Variants in TNIK observed in about 807,000 individuals in gnomAD.
TNIK encodes the protein TRAF2 and NCK interacting kinase.
A neutral mutation model predicts 191.3 loss-of-function variants in TNIK; 49 were observed. The ratio of observed to expected loss-of-function variants is 0.26; its 90% CI spans 0.20 to 0.32. The LOEUF is 0.32. Among genes scored for constraint, TNIK ranks in the 10% least tolerant of loss-of-function variants. The pLI, the probability that TNIK is intolerant of heterozygous loss-of-function variation, is 1.00. For missense variants in TNIK, 1,155 were observed against 1,702.3 expected, an observed-to-expected ratio of 0.68 and a Z score of 5.66; for synonymous variants, 594 against 600.9, an observed-to-expected ratio of 0.99 and a Z score of 0.17.
intron 1 of TNIK, among the ~76,000 whole-genome samples, chr3:171,370,614 T>C (rs1298083361): frequency 6.6e-6 from 1 of 152,072 alleles, no homozygotes; most frequent in Non-Finnish European, 1.5e-5. Flanking sequence ...GCCAGTAACA[T>C]AAACAAGTAA....
At chr3:171,167,791 A>G (rs1320387687) in intron 9 of TNIK, among the ~76,000 whole-genome samples, 2 of 152,230 alleles carry the variant, frequency 1.3e-5, no homozygotes. Context: ...CCAAGGTTGG[A>G]TAGGTAACAG....
intron 1 of TNIK, among the ~76,000 whole-genome samples, chr3:171,400,920 G>A (rs6785069): frequency 0.46 from 69,194 of 151,994 alleles, 16,357 homozygotes; most frequent in Non-Finnish European, 0.49. Context: ...GAATAACAAA[G>A]TGGTGTGTAT....
intron 15 of TNIK, among the ~76,000 whole-genome samples, chr3:171,137,265 A>G (rs1203216576): frequency 6.6e-6 from 1 of 151,944 alleles, no homozygotes; most frequent in Non-Finnish European, 1.5e-5. Context: ...TATGTAAGAA[A>G]TCTGGTTCTA....
chr3:171,104,828 T>C (rs533662270), intron 21 of TNIK, among the ~76,000 whole-genome samples: 18 of 152,194 alleles, frequency 1.2e-4, no homozygotes, highest in Non-Finnish European at 2.4e-4. Flanking sequence ...CCCCTAGTTA[T>C]TGTTCACCTT....
intron 28 of TNIK, chr3:171,071,555 T>C: frequency 2.1e-6 from 1 of 483,574 alleles, no homozygotes; most frequent in South Asian, 2.9e-5. Flanking sequence ...TTGAAGACTT[T>C]TCATCATCCA....
intron 2 of TNIK, among the ~76,000 whole-genome samples, chr3:171,316,858 A>G (rs1303399884): frequency 6.6e-6 from 1 of 150,994 alleles, no homozygotes; most frequent in Non-Finnish European, 1.5e-5. Context: ...GATTTGCCTA[A>G]GGAACTAAGA....
At chr3:171,087,279 C>A in intron 24 of TNIK, 63 bp downstream of exon 24, 1 of 1,599,322 alleles carries the variant, frequency 6.3e-7, no homozygotes, top group Non-Finnish European at 8.5e-7. Context: ...TTGAAGAGAT[C>A]ATGGTTTTAG....
intron 9 of TNIK, among the ~76,000 whole-genome samples, chr3:171,173,958 G>A (rs1266952955): frequency 6.6e-6 from 1 of 152,244 alleles, no homozygotes; most frequent in East Asian, 1.9e-4. Flanking sequence ...CCGATCACAT[G>A]ATGTATGACA....
At chr3:171,205,661 G>A (rs1011631224) in intron 4 of TNIK, among the ~76,000 whole-genome samples, 26 of 152,004 alleles carry the variant, frequency 1.7e-4, no homozygotes, top group Admixed American at 6.6e-5. Flanking sequence ...TGGTCTATTC[G>A]CAAGCCAGCA....
At chr3:171,327,900 TAAAAAA>T (rs71634497) in intron 2 of TNIK, among the ~76,000 whole-genome samples, 2,193 of 79,502 alleles carry the variant, frequency 0.028, 33 homozygotes, top group African/African-American at 0.065. Flanking sequence ...ACCTGGCTCA[TAAAAAA>T]AAAAAAAAAA....
intron 21 of TNIK, among the ~76,000 whole-genome samples, chr3:171,105,121 A>C (rs1283644531): frequency 6.6e-6 from 1 of 150,778 alleles, no homozygotes; most frequent in Non-Finnish European, 1.5e-5. Flanking sequence ...ACAAGCGACA[A>C]TATTTCAAAA....
intron 18 of TNIK, among the ~76,000 whole-genome samples, chr3:171,119,568 G>A (rs1022440460): frequency 2.0e-5 from 3 of 152,128 alleles, no homozygotes; most frequent in East Asian, 1.9e-4. Flanking sequence ...ATGATAGACT[G>A]GATTAAGAAA....
chr3:171,105,797 A>G (rs1181283495), intron 21 of TNIK, among the ~76,000 whole-genome samples: 1 of 152,172 alleles, frequency 6.6e-6, no homozygotes, highest in Non-Finnish European at 1.5e-5. Context: ...ATTCCTCTTG[A>G]GTTCTGCACA....
In TNIK at chr3:171,063,688, T is replaced by G; in HGVS notation, c.*193A>C. 2.0e-6 allele frequency: 1 copy of G among 502,754 alleles called. No homozygotes were observed. The highest frequency in any genetic ancestry group is 3.5e-6 in the Non-Finnish European group (1 of 287,944). 31.1% of individuals were successfully genotyped at this position (502,754 alleles called of 1,614,324 possible). On this transcript the variant is annotated 3_prime_UTR_variant, in exon 33 of 33. Transcript: ENST00000436636. ...CTCCTGGAAATTCCTGCCACCTTTT[T>G]CTCTCCTTCTCAACCAGGCTGCAAC...
chr3:171,413,994 C>T (rs189533756), intron 1 of TNIK, among the ~76,000 whole-genome samples: 129 of 152,302 alleles, frequency 8.5e-4, no homozygotes, highest in African/African-American at 2.9e-3. Flanking sequence ...ATTTCTCACA[C>T]GTTTTTAATC....
At position 171,061,246 on chromosome 3, in the gene TNIK, T is replaced by G. The variant is rs1259567089; in HGVS notation, c.*2635A>C. 1 of 152,206 alleles carries G rather than the reference T, an allele frequency of 6.6e-6. No individual in the cohort carries two copies. Among genetic ancestry groups the G allele is most frequent in the Non-Finnish European group, 1.5e-5 (1 of 68,028 alleles). The allele number at this position is 152,206 out of a possible 1,614,324, so 9.4% of individuals were successfully genotyped here. On this transcript the variant is annotated 3_prime_UTR_variant, in exon 33 of 33. Transcript: ENST00000436636. The stretch of plus-strand genomic sequence containing the variant: ...AGTGAATTCTTTAAATATCTGTCTT[T>G]TAAAGAGCACAGATTTCTGGGGGGC...
chr3:171,176,528 G>A (rs1735976782), intron 8 of TNIK, among the ~76,000 whole-genome samples: 1 of 152,222 alleles, frequency 6.6e-6, no homozygotes, highest in South Asian at 2.1e-4. Context: ...CTGAGTGAAG[G>A]AGAGAGGGAG....
intron 2 of TNIK, among the ~76,000 whole-genome samples, chr3:171,251,467 G>A (rs1746217924): frequency 6.6e-6 from 1 of 152,152 alleles, no homozygotes; most frequent in Non-Finnish European, 1.5e-5. Context: ...CAACCTTCCT[G>A]CCACAGTCTT....
chr3:171,249,781 T>C (rs959993962), intron 2 of TNIK, among the ~76,000 whole-genome samples: 2 of 152,078 alleles, frequency 1.3e-5, no homozygotes, highest in Non-Finnish European at 2.9e-5. Context: ...TTGAGGCAAG[T>C]AGCGTCTTTC....
Sources: gnomAD v4.1 joint callset for allele counts (sites outside exome capture counted in the v4.1 genomes callset) on GRCh38, gnomAD v4.1.1 for gene constraint, MANE v1.5 for transcripts, NCBI Gene and HGNC (gene_info 2026-07-23, HGNC 2026-07-21) for gene names.